The following PRDM5 variants were observed in gnomAD, a reference collection of about 807,000 sequenced individuals.
PRDM5 encodes the protein PR domain zinc finger protein 5.
In PRDM5, 56 loss-of-function variants were observed where a neutral mutation model predicts 81.2. The ratio of observed to expected loss-of-function variants is 0.69; its 90% CI spans 0.56 to 0.86. The LOEUF (loss-of-function observed/expected upper bound fraction) is 0.86. PRDM5 is among the 40% of genes least tolerant of loss of function. The pLI is 0.00. For missense variants in PRDM5, 697 were observed against 770.1 expected (o/e 0.91, Z 1.12); for synonymous variants, 267 against 256.4 (o/e 1.04, Z -0.39).
At chr4:120,854,584 CA>C (rs1201400012) in intron 2 of PRDM5, among the ~76,000 whole-genome samples, 1 of 152,096 alleles carries the variant, frequency 6.6e-6, no homozygotes, top group African/African-American at 2.4e-5. Flanking sequence ...ATTCAACAAA[CA>C]ATTATTGGGT....
chr4:120,712,436 T>TAC (rs1465949971), intron 14 of PRDM5, among the ~76,000 whole-genome samples: 2 of 152,140 alleles, frequency 1.3e-5, no homozygotes, highest in African/African-American at 4.8e-5. Flanking sequence ...CAGAGAGACA[T>TAC]ACATCTGCCC....
In PRDM5 at chr4:120,765,978, T is replaced by A. The variant is rs552200379; in HGVS notation, c.1537+11210A>T. 2.4e-3 allele frequency among the ~76,000 whole-genome samples: 350 copies of A among 143,194 alleles called. 1 individual carries two copies. The highest frequency in any genetic ancestry group is 8.6e-3 in the African/African-American group (334 of 38,790). 93.9% of individuals were successfully genotyped at this position (143,194 alleles called of 152,430 possible). A position where few individuals can be genotyped will look rare whatever the true frequency, so the allele number is the denominator to read the frequency against. ...TTTTTTCTTTCTTTTTTTTTTTTTTTAGACAGAGTTTCACTCTATCGCCCA... is the reference window on the plus strand; with the variant it reads ...TTTTTTCTTTCTTTTTTTTTTTTTTAAGACAGAGTTTCACTCTATCGCCCA... On this transcript the variant is annotated intron_variant, in intron 13 of 15. Coordinates refer to ENST00000264808, the MANE Select transcript of PRDM5 (RefSeq NM_018699.4).
chr4:120,857,039 G>A (rs1442181514), intron 2 of PRDM5, among the ~76,000 whole-genome samples: 1 of 152,138 alleles, frequency 6.6e-6, no homozygotes, highest in African/African-American at 2.4e-5. Context: ...GCTTCCTACA[G>A]TAGTTACACA....
At chr4:120,733,833 G>A (rs1194858234) in intron 14 of PRDM5, among the ~76,000 whole-genome samples, 1 of 147,696 alleles carries the variant, frequency 6.8e-6, no homozygotes, top group Non-Finnish European at 1.5e-5. Flanking sequence ...AAGACTGAAT[G>A]AATACGTGAA....
intron 13 of PRDM5, among the ~76,000 whole-genome samples, chr4:120,762,185 C>G (rs1342737151): frequency 6.6e-6 from 1 of 152,004 alleles, no homozygotes; most frequent in African/African-American, 2.4e-5. Context: ...GATGTACACA[C>G]AGAAAATGTA....
At chr4:120,807,800 G>A (rs549973005) in intron 8 of PRDM5, among the ~76,000 whole-genome samples, 26 of 151,410 alleles carry the variant, frequency 1.7e-4, no homozygotes, top group African/African-American at 5.1e-4. Flanking sequence ...AGACTTTCAC[G>A]GTGAGTGTTA....
intron 12 of PRDM5, among the ~76,000 whole-genome samples, chr4:120,778,673 G>A (rs559630689): frequency 4.0e-5 from 6 of 151,808 alleles, no homozygotes; most frequent in African/African-American, 9.7e-5. Context: ...TATTATACTC[G>A]AGTTTGAAAA....
rs1239771114 is a variant in PRDM5, at chr4:120,694,880, G to A, written c.*231C>T. On this transcript the variant is annotated 3_prime_UTR_variant, in exon 16 of 16. Coordinates refer to ENST00000264808, the MANE Select transcript of PRDM5 (RefSeq NM_018699.4). ...ATTTTTATAAGACAGAGCACAAGTTGCATTTTGCAAGGCTATGGAGTTGTA... is the reference window on the plus strand; with the variant it reads ...ATTTTTATAAGACAGAGCACAAGTTACATTTTGCAAGGCTATGGAGTTGTA... The A allele has an allele frequency of 1.8e-5, 9 of 512,014 alleles. No individual in the cohort carries two copies. In the East Asian group the frequency reaches 2.4e-4, roughly 14 times the overall value. 31.7% of individuals were successfully genotyped at this position (512,014 alleles called of 1,614,324 possible). A position where few individuals can be genotyped will look rare whatever the true frequency, so the allele number is the denominator to read the frequency against.
chr4:120,686,394 C>A (rs1172453589), intron 1 of PRDM5, among the ~76,000 whole-genome samples: 1 of 152,042 alleles, frequency 6.6e-6, no homozygotes, highest in African/African-American at 2.4e-5. Context: ...TGATGTGTTA[C>A]ATTGTACCTT....
intron 2 of PRDM5, among the ~76,000 whole-genome samples, chr4:120,886,947 C>CTTT (rs34889092): frequency 0.046 from 6,600 of 142,616 alleles, 268 homozygotes; most frequent in Middle Eastern, 0.15. Flanking sequence ...TCTTCTCTTT[C>CTTT]TTTTTTTTTT....
chr4:120,874,405 G>C (rs1473683536), intron 2 of PRDM5, among the ~76,000 whole-genome samples: 1 of 152,108 alleles, frequency 6.6e-6, no homozygotes, highest in Non-Finnish European at 1.5e-5. Context: ...TTATTTAATA[G>C]ATAAAATAGA....
At chr4:120,721,221 C>T (rs1738552966) in intron 14 of PRDM5, among the ~76,000 whole-genome samples, 1 of 152,206 alleles carries the variant, frequency 6.6e-6, no homozygotes, top group Admixed American at 6.5e-5. Context: ...TGAGACAAAA[C>T]TGATGAAACT....
intron 14 of PRDM5, among the ~76,000 whole-genome samples, chr4:120,719,874 C>T (rs551461426): frequency 1.3e-4 from 20 of 152,190 alleles, no homozygotes; most frequent in Non-Finnish European, 2.2e-4. Flanking sequence ...CGCCATTATC[C>T]TTCTGCATCA....
intron 8 of PRDM5, among the ~76,000 whole-genome samples, chr4:120,803,180 G>A (rs901597400): frequency 6.6e-6 from 1 of 152,046 alleles, no homozygotes; most frequent in Non-Finnish European, 1.5e-5. Flanking sequence ...AGAAACGAAC[G>A]AAGCCTCCAA....
rs549949412 is a variant in PRDM5, at chr4:120,802,018, C to T, written c.946-2273G>A. Among the ~76,000 whole-genome samples, 81 of 151,852 alleles carry T rather than the reference C, an allele frequency of 5.3e-4. 1 individual carries two copies. Among genetic ancestry groups the T allele is most frequent in the African/African-American group, 1.7e-3 (71 of 41,396 alleles). ...TATAAAATTATAAAAATTATTCATC[C>T]ACATATAAAATGGAAATCGTTAAAT... On this transcript the variant is annotated intron_variant, in intron 8 of 15. Coordinates refer to ENST00000264808, the MANE Select transcript of PRDM5 (RefSeq NM_018699.4).
At chr4:120,913,851 T>G (rs1766783586) in intron 1 of PRDM5, among the ~76,000 whole-genome samples, 2 of 152,186 alleles carry the variant, frequency 1.3e-5, no homozygotes, top group Non-Finnish European at 2.9e-5. Flanking sequence ...GCCCACAATC[T>G]TTCCTGCTCT....
At chr4:120,782,993 A>G (rs1029336419) in intron 11 of PRDM5, among the ~76,000 whole-genome samples, 1 of 151,920 alleles carries the variant, frequency 6.6e-6, no homozygotes, top group Admixed American at 6.6e-5. Flanking sequence ...TTTTTTCCCT[A>G]TCTTAGTACC....
chr4:120,809,715 C>T (rs978779812), intron 8 of PRDM5, among the ~76,000 whole-genome samples: 1 of 152,144 alleles, frequency 6.6e-6, no homozygotes, highest in South Asian at 2.1e-4. Flanking sequence ...TGCAACCTAA[C>T]TCTATTAGAC....
At chr4:120,917,736 C>T (rs936563175) in intron 1 of PRDM5, among the ~76,000 whole-genome samples, 3 of 149,288 alleles carry the variant, frequency 2.0e-5, no homozygotes, top group African/African-American at 7.4e-5. Flanking sequence ...AAGATACCGT[C>T]GAAAGAAGTG....
Sources: allele counts gnomAD v4.1 joint callset (sites outside exome capture counted in the v4.1 genomes callset), GRCh38; gene constraint gnomAD v4.1.1; transcripts MANE v1.5; gene names NCBI Gene and HGNC (gene_info 2026-07-23, HGNC 2026-07-21).